Variants in TENM1 observed in about 807,000 individuals in gnomAD.
The protein encoded by TENM1 is teneurin-1.
Under a neutral mutation model 174.8 loss-of-function variants are expected in TENM1, and 35 were observed. The observed-to-expected ratio is 0.20, with a 90% CI of 0.15 to 0.27. The LOEUF is 0.27. TENM1 is among the 10% of genes least tolerant of loss of function. The pLI is 1.00. For synonymous variants in TENM1, 781 were observed against 798.7 expected (o/e 0.98, Z 0.37); for missense variants, 1,633 against 2,130.1 (o/e 0.77, Z 4.59).
At chrX:124,468,336 T>G (rs1286315279) in intron 22 of TENM1, among the ~76,000 whole-genome samples, 2 of 109,393 alleles carry the variant, frequency 1.8e-5, no homozygotes, top group Non-Finnish European at 3.8e-5. Context: ...CCACCACGCC[T>G]GGCTAATTCC....
At chrX:124,724,944 C>T (rs985819012) in intron 4 of TENM1, among the ~76,000 whole-genome samples, 8 of 111,788 alleles carry the variant, frequency 7.2e-5, no homozygotes, top group Non-Finnish European at 1.5e-4. Flanking sequence ...CTGTTGGCCC[C>T]TTCTGACATA....
intron 3 of TENM1, among the ~76,000 whole-genome samples, chrX:124,745,337 G>A (rs1011896437): frequency 5.4e-5 from 6 of 111,311 alleles, no homozygotes; most frequent in African/African-American, 2.0e-4. Context: ...GGGAAGAGAT[G>A]TCACTATTAT....
intron 3 of TENM1, among the ~76,000 whole-genome samples, chrX:124,854,947 T>A (rs10126928): frequency 2.7e-5 from 3 of 111,584 alleles, no homozygotes; most frequent in Admixed American, 9.5e-5. Flanking sequence ...TTAAAAATTA[T>A]CTTTTTCGCA....
At chrX:124,873,227 T>C (rs1414659605) in intron 3 of TENM1, among the ~76,000 whole-genome samples, 2 of 110,471 alleles carry the variant, frequency 1.8e-5, no homozygotes, top group Non-Finnish European at 3.8e-5. Flanking sequence ...CAAAAGAGCA[T>C]GCAGGAAAAA....
intron 3 of TENM1, among the ~76,000 whole-genome samples, chrX:124,798,732 CT>C (rs963334642): frequency 3.6e-4 from 40 of 111,646 alleles, no homozygotes; most frequent in African/African-American, 1.3e-3. Flanking sequence ...GTTGCAATTG[CT>C]TTTGGTGTTT....
At chrX:124,530,136 G>GTT (rs1279514951) in intron 15 of TENM1, among the ~76,000 whole-genome samples, 153 bp from the exon 19 acceptor site, 3 of 105,199 alleles carry the variant, frequency 2.9e-5, no homozygotes, top group African/African-American at 1.0e-4. Context: ...CTGGGGAGGA[G>GTT]TTTTTTTTTT....
chrX:124,483,145 G>A (rs766222581), intron 21 of TENM1, among the ~76,000 whole-genome samples: 1 of 111,352 alleles, frequency 9.0e-6, no homozygotes, highest in African/African-American at 3.3e-5. Context: ...ACTTTTTAAT[G>A]TTTCTTGGTG....
the TENM1 span, among the ~76,000 whole-genome samples, chrX:125,156,846 C>CA: frequency 1.8e-5 from 2 of 112,376 alleles, no homozygotes; most frequent in Non-Finnish European, 3.8e-5. Flanking sequence ...CTGCTTTCCA[C>CA]AAAAATGTTG....
chrX:125,049,492 A>G, the TENM1 span, among the ~76,000 whole-genome samples: 1 of 112,098 alleles, frequency 8.9e-6, no homozygotes, highest in Admixed American at 9.5e-5. Context: ...AATAAGCTAC[A>G]ATGAACACTT....
At chrX:124,987,611 C>T in the TENM1 span, among the ~76,000 whole-genome samples, 5 of 109,952 alleles carry the variant, frequency 4.5e-5, no homozygotes, top group African/African-American at 1.7e-4. Context: ...TAGAAACACA[C>T]AAGAAAGGAC....
the TENM1 span, among the ~76,000 whole-genome samples, chrX:125,135,841 G>A: frequency 1.8e-5 from 2 of 111,723 alleles, no homozygotes; most frequent in East Asian, 5.6e-4. Flanking sequence ...CAACTTAATT[G>A]TTATGCTTCC....
At chrX:124,793,966 T>C (rs1052233664) in intron 3 of TENM1, among the ~76,000 whole-genome samples, 65 of 110,667 alleles carry the variant, frequency 5.9e-4, no homozygotes, top group African/African-American at 1.9e-3. Flanking sequence ...CTCTGGACTG[T>C]GAAATCCCAC....
chrX:124,685,070 G>A (rs2052326552), intron 5 of TENM1, among the ~76,000 whole-genome samples: 1 of 110,394 alleles, frequency 9.1e-6, no homozygotes, highest in Non-Finnish European at 1.9e-5. Flanking sequence ...ACTGGAGAAG[G>A]TGCCAATGCC....
chrX:124,882,500 T>C (rs1159525768), intron 3 of TENM1, among the ~76,000 whole-genome samples: 1 of 112,058 alleles, frequency 8.9e-6, no homozygotes, highest in Non-Finnish European at 1.9e-5. Flanking sequence ...TATTAATCTA[T>C]GTAGTCTATC....
At chrX:125,191,390 A>G in the TENM1 span, among the ~76,000 whole-genome samples, 1 of 112,034 alleles carries the variant, frequency 8.9e-6, no homozygotes, top group Admixed American at 9.5e-5. Context: ...AGGAACTAAT[A>G]TTCTAGAAAA....
chrX:124,608,515 C>A (rs930837733), intron 11 of TENM1, among the ~76,000 whole-genome samples: 9 of 111,709 alleles, frequency 8.1e-5, no homozygotes, highest in African/African-American at 2.9e-4. Flanking sequence ...AAAAGAGCTT[C>A]TTTGCTTTAC....
In TENM1 at chrX:124,523,357, T is replaced by A; in HGVS notation, c.3033+7A>T. 8.3e-7 allele frequency: 1 copy of A among 1,210,793 alleles called. No individual in the cohort carries two copies. Among genetic ancestry groups the A allele is most frequent in the Non-Finnish European group, 1.1e-6 (1 of 894,437 alleles). On this transcript the variant is annotated splice_region_variant and intron_variant, in intron 17 of 31. Transcript: ENST00000422452. ...TATTTTATACATTCAAAGGCCAATA[T>A]ACTCACCTGCAGCTCAGGAACAATA...
At chrX:124,680,740 T>C (rs1323032504) in intron 5 of TENM1, among the ~76,000 whole-genome samples, 3 of 111,802 alleles carry the variant, frequency 2.7e-5, no homozygotes, top group African/African-American at 9.7e-5. Context: ...TTAATTCTTC[T>C]TTAAAATTTT....
the TENM1 span, among the ~76,000 whole-genome samples, chrX:125,176,211 T>C: frequency 1.3e-5 from 1 of 77,435 alleles, no homozygotes; most frequent in Admixed American, 1.6e-4. Context: ...GTAGACTTTT[T>C]AGAATTTGTG....
Sources: gnomAD v4.1 joint callset for allele counts (sites outside exome capture counted in the v4.1 genomes callset) on GRCh38, gnomAD v4.1.1 for gene constraint, MANE v1.5 for transcripts, NCBI Gene and HGNC (gene_info 2026-07-23, HGNC 2026-07-21) for gene names.